Variants in PLG observed in about 807,000 individuals in gnomAD.
PLG encodes plasminogen.
Under a neutral mutation model 104.4 loss-of-function variants are expected in PLG, and 41 were observed. The ratio of observed to expected loss-of-function variants is 0.39; its 90% CI spans 0.31 to 0.51. The LOEUF (loss-of-function observed/expected upper bound fraction) is 0.51. PLG is among the 20% of genes least tolerant of loss of function. The pLI is 0.76. For synonymous variants in PLG, 337 were observed against 357.1 expected, an observed-to-expected ratio of 0.94 and a Z score of 0.63; for missense variants, 891 against 1,003.6, an observed-to-expected ratio of 0.89 and a Z score of 1.52.
chr6:160,703,250 C>G (rs1777453399), intron 1 of PLG, among the ~76,000 whole-genome samples: 1 of 144,810 alleles, frequency 6.9e-6, no homozygotes, highest in Admixed American at 6.9e-5. Flanking sequence ...TAAACATGTC[C>G]TAGTACTTCT....
intron 9 of PLG, among the ~76,000 whole-genome samples, chr6:160,720,405 C>CTTTTTTTTTTTTTTTTTTTT (rs1190930860): frequency 1.6e-5 from 1 of 61,826 alleles, no homozygotes; most frequent in African/African-American, 6.2e-5. Context: ...TTTTTCTTTT[C>CTTTTTTTTTTTTTTTTTTTT]TTTTCTTTTT....
chr6:160,716,689 A>G lies in PLG; in HGVS notation c.713A>G (p.Asp238Gly). 1 of 1,613,704 alleles carries G rather than the reference A, an allele frequency of 6.2e-7. No homozygotes were observed. Among genetic ancestry groups the G allele is most frequent in the Non-Finnish European group, 8.5e-7 (1 of 1,179,606 alleles). The change falls in exon 7 of 19, where the codon GAT (aspartate) becomes GGT (glycine). Residue 238 changes from aspartate to glycine, a missense_variant. Coordinates refer to ENST00000308192, the MANE Select transcript of PLG (RefSeq NM_000301.5). ...NLKKNYCRNPDRELRPWCFTT... is the reference protein window; with the variant it reads ...NLKKNYCRNPGRELRPWCFTT... ...AAGAAGAATTACTGTCGTAACCCCG[A>G]TAGGGAGCTGCGGCCTTGGTGTTTC...
At chr6:160,706,694 A>C in intron 2 of PLG, 152 bp downstream of exon 2, 1 of 751,688 alleles carries the variant, frequency 1.3e-6, no homozygotes. Flanking sequence ...AGCCATACTA[A>C]CAGCTTCTTG....
At chr6:160,722,111 C>T (rs1012053751) in intron 9 of PLG, among the ~76,000 whole-genome samples, 3 of 152,184 alleles carry the variant, frequency 2.0e-5, no homozygotes, top group Non-Finnish European at 4.4e-5. Context: ...CATCTGCCCT[C>T]GTGTTCTCAT....
chr6:160,720,817 C>CTCTAAGTACCACGTGTTTGGGAT (rs1777817534), intron 9 of PLG, among the ~76,000 whole-genome samples: 1 of 152,112 alleles, frequency 6.6e-6, no homozygotes, highest in Non-Finnish European at 1.5e-5. Flanking sequence ...CCTTTTGGGA[C>CTCTAAGTACCACGTGTTTGGGAT]TCTAAGTACC....
At chr6:160,742,587 T>C (rs2115182637) in intron 17 of PLG, among the ~76,000 whole-genome samples, 1 of 152,218 alleles carries the variant, frequency 6.6e-6, no homozygotes, top group East Asian at 1.9e-4. Flanking sequence ...TATTTTCTCC[T>C]GTTCTCTAGG....
chr6:160,717,543 G>C (rs946797633), intron 7 of PLG, among the ~76,000 whole-genome samples: 10 of 151,908 alleles, frequency 6.6e-5, no homozygotes, highest in Non-Finnish European at 1.2e-4. Context: ...TTTCCTTGGA[G>C]GTGTTTTTTG....
At chr6:160,716,568 A>G in intron 6 of PLG, 77 bp from the exon 7 acceptor site, 2 of 896,276 alleles carry the variant, frequency 2.2e-6, no homozygotes, top group Non-Finnish European at 3.8e-6. Flanking sequence ...GCAGGTGCTC[A>G]ATGTTTGCTC....
At position 160,737,848 on chromosome 6, in the gene PLG, C is replaced by T. The variant is rs1778113319; in HGVS notation, c.1803-690C>T. Among the ~76,000 whole-genome samples, 1 of 152,210 alleles carries T rather than the reference C, an allele frequency of 6.6e-6. No individual in the cohort carries two copies. Among genetic ancestry groups the T allele is most frequent in the East Asian group, 1.9e-4 (1 of 5,156 alleles). ...TATCATTTAGTAACTCCTTGCTCTA[C>T]AGAGCTTTCACCTTCCACATATTTC... On this transcript the variant is annotated intron_variant, in intron 14 of 18. Transcript: ENST00000308192. The surrounding 1 kb of genome is among the most constrained non-coding windows in gnomAD (Gnocchi z 4.7).
chr6:160,715,470 C>G (rs1777712969), intron 6 of PLG, among the ~76,000 whole-genome samples: 1 of 152,182 alleles, frequency 6.6e-6, no homozygotes, highest in South Asian at 2.1e-4. Context: ...CCATCAGATT[C>G]TCTAAGGGGA....
At chr6:160,718,869 C>T (rs1349431536) in intron 9 of PLG, 31 bp downstream of exon 9, 5 of 1,600,556 alleles carry the variant, frequency 3.1e-6, no homozygotes, top group Non-Finnish European at 4.3e-6. Context: ...TTACTGAGGG[C>T]CCAAGTTTTC....
chr6:160,713,181 T>G, intron 5 of PLG, 56 bp downstream of exon 5: 1 of 1,387,024 alleles, frequency 7.2e-7, no homozygotes, highest in Non-Finnish European at 1.0e-6. Flanking sequence ...GTAAAATAAT[T>G]TGTTGTAAAG....
Position 160,731,124 on chromosome 6 carries a change from G to A in PLG, c.1330G>A (p.Val444Ile), listed in dbSNP as rs574500945. The part of the protein sequence containing the change: ...GPWCFTTDPS[V>I]RWEYCNLKKC... ...CTGGTGTTTTACCACAGACCCCAGC[G>A]TCAGGTGGGAGTACTGCAACCTGAA... Residue 444 changes from valine (V) to isoleucine (I), a missense_variant, in exon 11 of 19, where the codon GTC becomes ATC. By Grantham distance (29) the Val-to-Ile change is conservative. This residue lies in a region of PLG where 854 missense variants were observed against 932.1 expected (regional missense o/e 0.92). Transcript: ENST00000308192. The surrounding 1 kb of genome is among the most constrained non-coding windows in gnomAD (Gnocchi z 5.1). 2.4e-5 allele frequency: 38 copies of A among 1,613,778 alleles called. No homozygotes were observed. The highest frequency in any genetic ancestry group is 1.3e-4 in the East Asian group (6 of 44,878).
At position 160,734,142 on chromosome 6, in the gene PLG, C is replaced by A; in HGVS notation, c.1681+54C>A. ...CTGCTTACTTAATATGGATTTGCAA[C>A]AAAAAAGGAAAAGGGCTTCTGAGCA... On this transcript the variant is annotated intron_variant, in intron 13 of 18. Coordinates refer to ENST00000308192, the MANE Select transcript of PLG (RefSeq NM_000301.5). This position sits in a 1 kb window ranked among gnomAD's most constrained non-coding sequence, Gnocchi z 4.4. 2.9e-6 allele frequency: 3 copies of A among 1,047,582 alleles called. No individual in the cohort carries two copies. Among genetic ancestry groups the A allele is most frequent in the Non-Finnish European group, 4.5e-6 (3 of 667,892 alleles). 64.9% of individuals were successfully genotyped at this position (1,047,582 alleles called of 1,614,324 possible). A position where few individuals can be genotyped will look rare whatever the true frequency, so the allele number is the denominator to read the frequency against.
intron 3 of PLG, among the ~76,000 whole-genome samples, chr6:160,709,531 T>A (rs1777597519): frequency 6.6e-6 from 1 of 152,192 alleles, no homozygotes; most frequent in Non-Finnish European, 1.5e-5. Flanking sequence ...TAAACTTTTC[T>A]ACACTGGCCT....
In PLG at chr6:160,719,716, A is replaced by G. The variant is rs2115164612; in HGVS notation, c.1096+878A>G. On this transcript the variant is annotated intron_variant, in intron 9 of 18. Coordinates refer to ENST00000308192, the MANE Select transcript of PLG (RefSeq NM_000301.5). The surrounding 1 kb of genome is among the most constrained non-coding windows in gnomAD (Gnocchi z 4.1). ...ATAATATACATTTTTGACTTTTCAC[A>G]TTCCACCTTCAAATGATATCATTCT... Among the ~76,000 whole-genome samples, 1 of 152,244 alleles carries G rather than the reference A, an allele frequency of 6.6e-6. No homozygotes were observed. The highest frequency in any genetic ancestry group is 1.5e-5 in the Non-Finnish European group (1 of 68,008).
chr6:160,750,412 C>G (rs914760132), intron 17 of PLG, among the ~76,000 whole-genome samples: 3 of 152,234 alleles, frequency 2.0e-5, no homozygotes, highest in South Asian at 2.1e-4. Context: ...CCCAGCAACT[C>G]ATGGTGGGTT....
chr6:160,714,773 C>A (rs747169936), intron 5 of PLG, 21 bp from the exon 6 acceptor site: 2 of 1,612,824 alleles, frequency 1.2e-6, no homozygotes, highest in South Asian at 2.2e-5. Flanking sequence ...CCTCTCTGTC[C>A]TTCCTTCCCA....
At chr6:160,729,166 G>A (rs1039025417) in intron 10 of PLG, among the ~76,000 whole-genome samples, 1 of 152,086 alleles carries the variant, frequency 6.6e-6, no homozygotes, top group African/African-American at 2.4e-5. Context: ...CAACATTTTA[G>A]CCATCAAAGA....
Sources: gnomAD v4.1 joint callset for allele counts (sites outside exome capture counted in the v4.1 genomes callset) on GRCh38, gnomAD v4.1.1 for gene constraint, gnomAD v4.1.1 regional missense constraint, Gnocchi (gnomAD v3.1) non-coding constraint, MANE v1.5 for transcripts, NCBI Gene and HGNC (gene_info 2026-07-23, HGNC 2026-07-21) for gene names.